DLG2: variants seen among roughly 807,000 people sequenced by gnomAD.
DLG2 encodes the protein disks large homolog 2.
A neutral mutation model predicts 132.5 loss-of-function variants in DLG2; 45 were observed. The observed-to-expected ratio is 0.34, with a 90% CI of 0.27 to 0.44. The LOEUF (loss-of-function observed/expected upper bound fraction) is 0.44, where lower values mean the gene tolerates loss of function less well. Ranked by LOEUF, DLG2 falls within the 20% of genes least tolerant of loss-of-function variation. The probability of loss-of-function intolerance (pLI) is 1.00; values close to 1 mark genes in which losing one functional copy is unlikely to be tolerated. For synonymous variants in DLG2, 424 were observed against 419.6 expected, an observed-to-expected ratio of 1.01 and a Z score of -0.13; for missense variants, 1,045 against 1,196.9, an observed-to-expected ratio of 0.87 and a Z score of 1.87.
intron 9 of DLG2, among the ~76,000 whole-genome samples, chr11:84,127,611 T>A (rs1444345127): frequency 6.6e-6 from 1 of 152,170 alleles, no homozygotes; most frequent in East Asian, 1.9e-4. Flanking sequence ...CTTTTCCTTT[T>A]TTCTGTACAG....
At chr11:84,111,201 TA>T (rs2154192419) in intron 9 of DLG2, among the ~76,000 whole-genome samples, 1 of 152,332 alleles carries the variant, frequency 6.6e-6, no homozygotes, top group South Asian at 2.1e-4. Context: ...CAGAACTGAA[TA>T]AATCCTTGTA....
chr11:84,127,752 A>G (rs2094243408), intron 9 of DLG2, among the ~76,000 whole-genome samples: 1 of 151,976 alleles, frequency 6.6e-6, no homozygotes, highest in South Asian at 2.1e-4. Context: ...TTGCCTTCAC[A>G]TGGTGTTCTT....
At chr11:84,509,870 G>C (rs1286275046) in intron 7 of DLG2, among the ~76,000 whole-genome samples, 1 of 151,902 alleles carries the variant, frequency 6.6e-6, no homozygotes, top group African/African-American at 2.4e-5. Flanking sequence ...TATCTAATCA[G>C]AAGGAGATAA....
chr11:84,248,797 G>A (rs1392617055), intron 8 of DLG2, among the ~76,000 whole-genome samples: 3 of 152,164 alleles, frequency 2.0e-5, no homozygotes, highest in African/African-American at 4.8e-5. Flanking sequence ...AACCTGGGAG[G>A]CAGAGGTTGC....
chr11:85,562,654 C>T (rs1266151149), intron 3 of DLG2, among the ~76,000 whole-genome samples: 1 of 151,552 alleles, frequency 6.6e-6, no homozygotes, highest in African/African-American at 2.4e-5. Context: ...TGCTTTTCTC[C>T]AGTTCAAAAA....
chr11:83,988,313 G>A (rs763011258), intron 11 of DLG2, among the ~76,000 whole-genome samples: 1 of 152,020 alleles, frequency 6.6e-6, no homozygotes, highest in East Asian at 1.9e-4. Context: ...TTTGTACAAG[G>A]TATAAGGAAG....
intron 7 of DLG2, among the ~76,000 whole-genome samples, chr11:84,420,831 G>A (rs1490764205): frequency 1.3e-5 from 2 of 151,624 alleles, no homozygotes; most frequent in Admixed American, 6.6e-5. Flanking sequence ...ACCACGCCCG[G>A]CTAATTTTTT....
intron 6 of DLG2, among the ~76,000 whole-genome samples, chr11:84,615,842 T>TAAAAAAAAAAAAG (rs2099603449): frequency 1.7e-5 from 1 of 58,524 alleles, no homozygotes. Context: ...AAAAAAAAAC[T>TAAAAAAAAAAAAG]TCATTCCAGT....
intron 3 of DLG2, among the ~76,000 whole-genome samples, chr11:85,535,346 A>G (rs543751509): frequency 1.1e-4 from 16 of 152,228 alleles, no homozygotes; most frequent in African/African-American, 2.4e-5. Context: ...GATTATACCA[A>G]TTTGATAGGT....
At chr11:85,166,036 CAG>C (rs900652479) in intron 4 of DLG2, among the ~76,000 whole-genome samples, 1 of 152,100 alleles carries the variant, frequency 6.6e-6, no homozygotes, top group African/African-American at 2.4e-5. Flanking sequence ...CAGCGCCACC[CAG>C]AGATTTGTTA....
intron 6 of DLG2, among the ~76,000 whole-genome samples, chr11:84,654,402 A>G (rs1261899691): frequency 1.3e-5 from 2 of 152,150 alleles, no homozygotes; most frequent in Non-Finnish European, 2.9e-5. Flanking sequence ...ACCATTGATC[A>G]CTTTCCTGGG....
intron 18 of DLG2, among the ~76,000 whole-genome samples, chr11:83,773,654 C>T (rs1175007358): frequency 6.6e-6 from 1 of 152,178 alleles, no homozygotes; most frequent in East Asian, 1.9e-4. Flanking sequence ...AGTTAACTAA[C>T]AGAACTCCCA....
At chr11:84,319,051 G>A (rs770922927) in intron 7 of DLG2, among the ~76,000 whole-genome samples, 18 of 152,176 alleles carry the variant, frequency 1.2e-4, no homozygotes, top group Non-Finnish European at 2.4e-4. Flanking sequence ...AGGTATTCTT[G>A]TTAAGGAAAT....
intron 3 of DLG2, among the ~76,000 whole-genome samples, chr11:85,396,422 T>C (rs1442715227): frequency 6.6e-6 from 1 of 152,078 alleles, no homozygotes; most frequent in East Asian, 1.9e-4. Flanking sequence ...GGACAGAGAA[T>C]GAGTTTGAAG....
intron 7 of DLG2, among the ~76,000 whole-genome samples, chr11:84,443,222 A>C (rs574765906): frequency 6.6e-6 from 1 of 152,324 alleles, no homozygotes; most frequent in African/African-American, 2.4e-5. Context: ...TAAAGAACCT[A>C]ATGTAACATT....
chr11:85,364,614 T>C (rs2084397996), intron 3 of DLG2, among the ~76,000 whole-genome samples: 2 of 152,116 alleles, frequency 1.3e-5, no homozygotes, highest in African/African-American at 4.8e-5. Context: ...TCTGGGATCA[T>C]CTCTGAAAAA....
intron 7 of DLG2, among the ~76,000 whole-genome samples, chr11:84,329,143 A>G (rs1410296134): frequency 6.6e-6 from 1 of 152,186 alleles, no homozygotes; most frequent in Non-Finnish European, 1.5e-5. Flanking sequence ...TGTCCTTCTT[A>G]TTACTAGATC....
intron 7 of DLG2, among the ~76,000 whole-genome samples, chr11:84,458,447 A>T (rs1052417546): frequency 3.8e-4 from 57 of 150,740 alleles, no homozygotes; most frequent in African/African-American, 1.3e-3. Flanking sequence ...TCTTTTCCTA[A>T]TCTTTGCCAA....
chr11:84,624,639 C>T (rs1209955250), intron 6 of DLG2, among the ~76,000 whole-genome samples: 1 of 151,490 alleles, frequency 6.6e-6, no homozygotes, highest in Non-Finnish European at 1.5e-5. Context: ...TTAATAGAGA[C>T]AGAAACTAGG....
Sources: gnomAD v4.1 joint callset for allele counts (sites outside exome capture counted in the v4.1 genomes callset) on GRCh38, gnomAD v4.1.1 for gene constraint, MANE v1.5 for transcripts, NCBI Gene and HGNC (gene_info 2026-07-23, HGNC 2026-07-21) for gene names.